The following MAPKAP1 variants were observed in gnomAD, a reference collection of about 807,000 sequenced individuals.
MAPKAP1 encodes the protein target of rapamycin complex 2 subunit MAPKAP1.
Under a neutral mutation model 65.7 loss-of-function variants are expected in MAPKAP1, and 20 were observed. The ratio of observed to expected loss-of-function variants is 0.30; its 90% CI spans 0.21 to 0.44. MAPKAP1 has a LOEUF of 0.44. Ranked by LOEUF, MAPKAP1 falls within the 20% of genes least tolerant of loss-of-function variation. The pLI is 1.00. For synonymous variants in MAPKAP1, 222 were observed against 244.3 expected (o/e 0.91, Z 0.85); for missense variants, 423 against 648.0 (o/e 0.65, Z 3.77).
At chr9:125,613,954 C>A (rs375402194) in intron 4 of MAPKAP1, among the ~76,000 whole-genome samples, 1 of 152,072 alleles carries the variant, frequency 6.6e-6, no homozygotes, top group Non-Finnish European at 1.5e-5. Flanking sequence ...CCCGCCACCA[C>A]GCTCGGCTAA....
At chr9:125,525,184 G>A (rs550554009) in intron 7 of MAPKAP1, among the ~76,000 whole-genome samples, 2 of 152,312 alleles carry the variant, frequency 1.3e-5, no homozygotes, top group East Asian at 1.9e-4. Context: ...GACTGAAACT[G>A]AAAGGAGGGG....
chr9:125,513,017 T>C (rs1391530196), intron 7 of MAPKAP1: 1 of 152,292 alleles, frequency 6.6e-6, no homozygotes, highest in Non-Finnish European at 1.5e-5. Flanking sequence ...ATGGGCCGGT[T>C]TACCCCTCCT....
intron 7 of MAPKAP1, among the ~76,000 whole-genome samples, chr9:125,534,869 T>G (rs987553586): frequency 1.2e-4 from 19 of 152,180 alleles, no homozygotes; most frequent in Non-Finnish European, 7.3e-5. Flanking sequence ...AGGATGGAAC[T>G]AGGGCTCCCT....
chr9:125,693,638 C>CGTATACAT lies in MAPKAP1; in HGVS notation c.-70+13332_-70+13333insATGTATAC, dbSNP rs1835259150. 2.1e-5 allele frequency among the ~76,000 whole-genome samples: 3 copies of CGTATACAT among 143,240 alleles called. No individual in the cohort carries two copies. In the Admixed American group the frequency reaches 2.3e-4, roughly 11 times the overall value. The allele number at this position is 143,240 out of a possible 152,430, so 94.0% of individuals were successfully genotyped here. Reference sequence around the variant, plus strand: ...ATACACACATATATACACATATACACACACATATACACGTATACATACACA... The same window carrying CGTATACAT: ...ATACACACATATATACACATATACACGTATACATACACATATACACGTATACATACACA... On this transcript the variant is annotated intron_variant, in intron 1 of 11. Coordinates refer to ENST00000265960, the MANE Select transcript of MAPKAP1 (RefSeq NM_001006617.3).
intron 3 of MAPKAP1, 97 bp downstream of exon 3, chr9:125,669,721 C>A (rs2131794324): frequency 5.1e-6 from 3 of 592,424 alleles, no homozygotes; most frequent in African/African-American, 3.8e-5. Context: ...GTATCTAAGT[C>A]CAGAGGATTT....
intron 3 of MAPKAP1, among the ~76,000 whole-genome samples, chr9:125,659,276 A>G (rs949343046): frequency 1.3e-5 from 2 of 152,246 alleles, no homozygotes; most frequent in African/African-American, 4.8e-5. Context: ...CCTAAGAGAG[A>G]TGTTACTACT....
chr9:125,681,134 G>A (rs1035111630), intron 1 of MAPKAP1, among the ~76,000 whole-genome samples: 1 of 152,178 alleles, frequency 6.6e-6, no homozygotes, highest in African/African-American at 2.4e-5. Flanking sequence ...AAGGAGACAA[G>A]GTAGATTTTT....
At chr9:125,625,250 A>T (rs1833072922) in intron 4 of MAPKAP1, among the ~76,000 whole-genome samples, 2 of 47,802 alleles carry the variant, frequency 4.2e-5, no homozygotes, top group Non-Finnish European at 1.1e-4. Context: ...AAAAAAATAA[A>T]TAAATAAAAA....
Position 125,554,794 on chromosome 9 carries a change from C to CAAAA in MAPKAP1, c.848+4835_848+4838dup, listed in dbSNP as rs56911891. Among the ~76,000 whole-genome samples, 54 of 65,600 alleles carry CAAAA rather than the reference C, an allele frequency of 8.2e-4. 1 individual carries two copies. The East Asian group carries it at 9.5e-3, about 12-fold the overall frequency. 43.0% of individuals were successfully genotyped at this position (65,600 alleles called of 152,430 possible). On this transcript the variant is annotated intron_variant, in intron 6 of 11. Transcript: ENST00000265960. ...CTAGGCCACACAGCAAGACACTTAT[C>CAAAA]AAAAAAAAAAAAAAAAAAAAAAAGC...
intron 4 of MAPKAP1, among the ~76,000 whole-genome samples, chr9:125,616,639 C>T (rs2131640921): frequency 6.6e-6 from 1 of 152,028 alleles, no homozygotes; most frequent in African/African-American, 2.4e-5. Context: ...AAATGAAAAT[C>T]ATAATGAGAT....
At chr9:125,660,949 T>C (rs1482802044) in intron 3 of MAPKAP1, among the ~76,000 whole-genome samples, 1 of 151,934 alleles carries the variant, frequency 6.6e-6, no homozygotes, top group Non-Finnish European at 1.5e-5. Flanking sequence ...CACTTCTGTA[T>C]GGGAAAAAAG....
chr9:125,591,515 G>C (rs751765563), intron 4 of MAPKAP1, among the ~76,000 whole-genome samples: 39 of 152,120 alleles, frequency 2.6e-4, no homozygotes, highest in Admixed American at 1.3e-4. Flanking sequence ...CTATTTCATA[G>C]TAAAATAGAA....
chr9:125,704,231 C>G (rs1835691969), intron 1 of MAPKAP1, among the ~76,000 whole-genome samples: 1 of 152,176 alleles, frequency 6.6e-6, no homozygotes, highest in Non-Finnish European at 1.5e-5. Context: ...TACAGCTCTA[C>G]CAGCAGCATA....
intron 4 of MAPKAP1, among the ~76,000 whole-genome samples, chr9:125,597,237 C>G (rs975134874): frequency 2.3e-5 from 3 of 130,444 alleles, no homozygotes; most frequent in African/African-American, 9.0e-5. Context: ...TGCACTCCAG[C>G]CTGGACGACA....
chr9:125,639,515 C>G (rs1344618305), intron 4 of MAPKAP1, among the ~76,000 whole-genome samples: 1 of 152,174 alleles, frequency 6.6e-6, no homozygotes, highest in Non-Finnish European at 1.5e-5. Flanking sequence ...TATTCGTTAT[C>G]ATTAAAATTG....
chr9:125,557,659 C>T (rs1299705059), intron 6 of MAPKAP1, among the ~76,000 whole-genome samples: 1 of 152,076 alleles, frequency 6.6e-6, no homozygotes. Flanking sequence ...TAAAACCACA[C>T]AAGGAAGCAA....
intron 1 of MAPKAP1, among the ~76,000 whole-genome samples, chr9:125,687,686 G>A (rs1835026747): frequency 6.6e-6 from 1 of 151,930 alleles, no homozygotes; most frequent in Non-Finnish European, 1.5e-5. Flanking sequence ...ACAGGAGGCT[G>A]AGATGGGAGA....
intron 7 of MAPKAP1, 177 bp downstream of exon 7, chr9:125,542,882 C>T: frequency 1.3e-6 from 1 of 752,522 alleles, no homozygotes; most frequent in South Asian, 1.4e-5. Context: ...GACCCAGTCC[C>T]TTTCTGAGGC....
intron 10 of MAPKAP1, among the ~76,000 whole-genome samples, chr9:125,460,174 C>A (rs1853431269): frequency 6.6e-6 from 1 of 151,932 alleles, no homozygotes. Context: ...AAATGGTAAT[C>A]AAAATCTAGG....
Sources: gnomAD v4.1 joint callset for allele counts (sites outside exome capture counted in the v4.1 genomes callset) on GRCh38, gnomAD v4.1.1 for gene constraint, MANE v1.5 for transcripts, NCBI Gene and HGNC (gene_info 2026-07-23, HGNC 2026-07-21) for gene names.